CLYBL: variants seen among roughly 807,000 people sequenced by gnomAD.
CLYBL encodes citramalyl-CoA lyase, mitochondrial.
Under a neutral mutation model 38.9 loss-of-function variants are expected in CLYBL, and 31 were observed. The observed-to-expected ratio is 0.80, with a 90% CI of 0.60 to 1.08. The LOEUF (loss-of-function observed/expected upper bound fraction) is 1.08, where lower values mean the gene tolerates loss of function less well. CLYBL is among the 50% of genes least tolerant of loss of function. The probability of loss-of-function intolerance (pLI) is 0.00; values close to 1 mark genes in which losing one functional copy is unlikely to be tolerated. For missense variants in CLYBL, 434 were observed against 411.6 expected (o/e 1.05, Z -0.47); for synonymous variants, 171 against 158.6 (o/e 1.08, Z -0.59).
At chr13:99,901,654 T>G (rs568755191), downstream of CLYBL, among the ~76,000 whole-genome samples, 277 of 141,992 alleles carry the variant, frequency 2.0e-3, no homozygotes, top group South Asian at 6.9e-3. Context: ...TGTTTTTTTT[T>G]TTTGTTTGTT....
At chr13:99,661,638 A>G (rs1396798199) in intron 1 of CLYBL, among the ~76,000 whole-genome samples, 1 of 152,230 alleles carries the variant, frequency 6.6e-6, no homozygotes, top group Non-Finnish European at 1.5e-5. Flanking sequence ...TATATTAAAC[A>G]TAAGAATTTG....
chr13:99,725,135 C>G (rs539845409), intron 1 of CLYBL, among the ~76,000 whole-genome samples: 22 of 152,188 alleles, frequency 1.4e-4, no homozygotes, highest in Non-Finnish European at 3.1e-4. Context: ...GCTCTCTAAG[C>G]CTTGACAAGC....
intron 1 of CLYBL, among the ~76,000 whole-genome samples, chr13:99,620,822 G>GAA (rs1566590612): frequency 2.2e-5 from 3 of 137,840 alleles, no homozygotes; most frequent in African/African-American, 5.8e-5. Flanking sequence ...GAGAGAGAGA[G>GAA]AGAAAGAAAG....
chr13:99,906,402 G>C (rs1283175785), intron 9 of CLYBL, among the ~76,000 whole-genome samples: 3 of 150,844 alleles, frequency 2.0e-5, no homozygotes, highest in Non-Finnish European at 4.4e-5. Flanking sequence ...ATTTGAATGG[G>C]AACTGAAGGA....
intron 1 of CLYBL, among the ~76,000 whole-genome samples, chr13:99,661,641 A>G (rs1415282262): frequency 6.6e-6 from 1 of 152,232 alleles, no homozygotes; most frequent in Non-Finnish European, 1.5e-5. Context: ...ATTAAACATA[A>G]GAATTTGGGG....
chr13:99,889,888 C>T (rs2052443970), intron 7 of CLYBL, among the ~76,000 whole-genome samples: 2 of 152,128 alleles, frequency 1.3e-5, no homozygotes, highest in African/African-American at 4.8e-5. Flanking sequence ...AAATGGGCTA[C>T]AATAGATGCA....
chr13:99,865,186 G>C lies in CLYBL; in HGVS notation c.634+275G>C. The C allele has an allele frequency of 2.4e-6, 1 of 423,216 alleles. No homozygotes were observed. The highest frequency in any genetic ancestry group is 4.5e-6 in the Non-Finnish European group (1 of 222,734). The allele number at this position is 423,216 out of a possible 1,614,324, so 26.2% of individuals were successfully genotyped here. Reference sequence around the variant, plus strand: ...CTGTTGCAGCCCCAGGCATGCTCAGGAATATATGGCATCTCCTTTGCTCCT... The same window carrying C: ...CTGTTGCAGCCCCAGGCATGCTCAGCAATATATGGCATCTCCTTTGCTCCT... On this transcript the variant is annotated intron_variant, in intron 5 of 8. Transcript: ENST00000339105. The surrounding 1 kb of genome is among the most constrained non-coding windows in gnomAD (Gnocchi z 4.7).
intron 1 of CLYBL, among the ~76,000 whole-genome samples, chr13:99,744,012 A>G (rs1397202901): frequency 3.3e-5 from 4 of 120,024 alleles, no homozygotes; most frequent in Admixed American, 1.2e-4. Context: ...TCGCTCTGTC[A>G]CCCAGGCTGG....
chr13:99,735,928 A>ATAG (rs1196015979), intron 1 of CLYBL, among the ~76,000 whole-genome samples: 1 of 151,918 alleles, frequency 6.6e-6, no homozygotes, highest in Non-Finnish European at 1.5e-5. Flanking sequence ...AATACAAAAT[A>ATAG]TAGTCCTATA....
intron 7 of CLYBL, among the ~76,000 whole-genome samples, chr13:99,879,443 C>T (rs1343715695): frequency 6.6e-6 from 1 of 152,188 alleles, no homozygotes; most frequent in Non-Finnish European, 1.5e-5. Flanking sequence ...GAACGGTGTC[C>T]TGCGTTTCAG....
intron 8 of CLYBL, among the ~76,000 whole-genome samples, chr13:99,903,164 T>C (rs1236803137): frequency 6.6e-6 from 1 of 152,230 alleles, no homozygotes; most frequent in Non-Finnish European, 1.5e-5. Context: ...ATCTCCAAAG[T>C]TGAACTACAT....
At chr13:99,730,525 C>A (rs1294469676) in intron 1 of CLYBL, among the ~76,000 whole-genome samples, 1 of 152,144 alleles carries the variant, frequency 6.6e-6, no homozygotes, top group African/African-American at 2.4e-5. Flanking sequence ...CCATGCCAGG[C>A]GAAGAGGAAG....
At chr13:99,695,220 T>G (rs2047961062) in intron 1 of CLYBL, among the ~76,000 whole-genome samples, 1 of 152,234 alleles carries the variant, frequency 6.6e-6, no homozygotes, top group African/African-American at 2.4e-5. Flanking sequence ...GGTCCCTTTC[T>G]GCTGGGGGAT....
chr13:99,872,357 G>T (rs960283717), intron 7 of CLYBL, among the ~76,000 whole-genome samples: 1 of 152,160 alleles, frequency 6.6e-6, no homozygotes, highest in Non-Finnish European at 1.5e-5. Context: ...GCATTTCATA[G>T]AAACAATATT....
intron 1 of CLYBL, among the ~76,000 whole-genome samples, chr13:99,682,034 G>A (rs1268372516): frequency 1.3e-5 from 2 of 152,106 alleles, no homozygotes; most frequent in African/African-American, 2.4e-5. Flanking sequence ...ACAACCTACC[G>A]CACACCTAGG....
At chr13:99,796,124 A>G (rs1399609994) in intron 2 of CLYBL, among the ~76,000 whole-genome samples, 3 of 152,234 alleles carry the variant, frequency 2.0e-5, no homozygotes, top group Admixed American at 1.3e-4. Context: ...TAAGAGGATT[A>G]GGAAGAACAG....
intron 1 of CLYBL, among the ~76,000 whole-genome samples, chr13:99,621,850 C>CA (rs949134679): frequency 1.3e-5 from 2 of 151,720 alleles, no homozygotes; most frequent in African/African-American, 4.8e-5. Context: ...CCAGGGAAGC[C>CA]AAAAAAACTG....
intron 1 of CLYBL, among the ~76,000 whole-genome samples, chr13:99,615,540 T>C (rs1026888278): frequency 3.3e-5 from 5 of 152,222 alleles, no homozygotes; most frequent in Non-Finnish European, 7.3e-5. Flanking sequence ...ACACATTGCT[T>C]ACGATCCTGT....
chr13:99,718,550 C>T (rs2048351651), intron 1 of CLYBL, among the ~76,000 whole-genome samples: 1 of 152,072 alleles, frequency 6.6e-6, no homozygotes, highest in South Asian at 2.1e-4. Context: ...CTGGTATTTC[C>T]TGGACTCGTG....
Sources: gnomAD v4.1 joint callset for allele counts (sites outside exome capture counted in the v4.1 genomes callset) on GRCh38, gnomAD v4.1.1 for gene constraint, Gnocchi (gnomAD v3.1) non-coding constraint, MANE v1.5 for transcripts, NCBI Gene and HGNC (gene_info 2026-07-23, HGNC 2026-07-21) for gene names.